The following KDM4C variants were observed in gnomAD, a reference collection of about 807,000 sequenced individuals.
KDM4C encodes the protein lysine demethylase 4C.
In KDM4C, 81 loss-of-function variants were observed where a neutral mutation model predicts 129.3. The ratio of observed to expected loss-of-function variants is 0.63; its 90% CI spans 0.52 to 0.75. The LOEUF is 0.75. KDM4C is among the 30% of genes least tolerant of loss of function. The pLI, the probability that KDM4C is intolerant of heterozygous loss-of-function variation, is 0.00. For synonymous variants in KDM4C, 573 were observed against 456.1 expected, an observed-to-expected ratio of 1.26 and a Z score of -3.26; for missense variants, 1,457 against 1,304.0, an observed-to-expected ratio of 1.12 and a Z score of -1.81.
rs139298028 is a variant in KDM4C at position 6,979,381 on chromosome 9, C to T, written c.922-1544C>T. On this transcript the variant is annotated intron_variant, in intron 8 of 21. Coordinates refer to ENST00000381309, the MANE Select transcript of KDM4C (RefSeq NM_015061.6). ...CGAGGATGAAGTTTTGCTGGATAGC[C>T]GGCTAGTATGCAGGAAGGTGGTGTG... Among the ~76,000 whole-genome samples the T allele has an allele frequency of 3.2e-3, 485 of 152,190 alleles. 4 individuals are homozygous for T. The highest frequency in any genetic ancestry group is 0.01 in the African/African-American group (424 of 41,532).
chr9:6,765,333 A>G (rs1820402663), intron 1 of KDM4C, among the ~76,000 whole-genome samples: 1 of 151,850 alleles, frequency 6.6e-6, no homozygotes, highest in Non-Finnish European at 1.5e-5. Flanking sequence ...CCCCCTTTTC[A>G]TACATCTTTC....
chr9:6,878,801 A>C (rs1843981044), intron 5 of KDM4C, among the ~76,000 whole-genome samples: 2 of 137,550 alleles, frequency 1.5e-5, no homozygotes, highest in South Asian at 4.2e-4. Context: ...ATACCCCCAC[A>C]CCCACACCCA....
At chr9:6,799,831 C>T (rs1455118054) in intron 2 of KDM4C, among the ~76,000 whole-genome samples, 1 of 151,846 alleles carries the variant, frequency 6.6e-6, no homozygotes, top group Non-Finnish European at 1.5e-5. Flanking sequence ...TGCCCCTCCC[C>T]TTTCAATATG....
rs560053289 is a variant in KDM4C at position 6,966,358 on chromosome 9, A to G, written c.922-14567A>G. 3.5e-4 allele frequency among the ~76,000 whole-genome samples: 53 copies of G among 152,028 alleles called. 1 individual carries two copies. The highest frequency in any genetic ancestry group is 2.7e-3 in the Admixed American group (41 of 15,276). On this transcript the variant is annotated intron_variant, in intron 8 of 21. Transcript: ENST00000381309. ...CCACTGCGCCCAGCTAATTTTTTGTATTTTTAGTAGAGACGGGGTTTCACT... is the reference window on the plus strand; with the variant it reads ...CCACTGCGCCCAGCTAATTTTTTGTGTTTTTAGTAGAGACGGGGTTTCACT...
chr9:7,085,696 T>C (rs138687999), intron 17 of KDM4C, among the ~76,000 whole-genome samples: 2 of 152,216 alleles, frequency 1.3e-5, no homozygotes, highest in Non-Finnish European at 2.9e-5. Flanking sequence ...TCTGTTGTTA[T>C]GTTTATCTTC....
At chr9:6,829,309 G>A (rs1169749291) in intron 4 of KDM4C, among the ~76,000 whole-genome samples, 1 of 152,212 alleles carries the variant, frequency 6.6e-6, no homozygotes, top group African/African-American at 2.4e-5. Context: ...GGATGAGGAA[G>A]CTGAGCCTGT....
At position 6,988,700 on chromosome 9, in the gene KDM4C, C is replaced by T. The variant is rs554785725; in HGVS notation, c.1678-1716C>T. Among the ~76,000 whole-genome samples the T allele has an allele frequency of 2.7e-4, 41 of 152,090 alleles. No individual in the cohort carries two copies. The South Asian group carries it at 6.6e-3, about 25-fold the overall frequency. On this transcript the variant is annotated intron_variant, in intron 11 of 21. Coordinates refer to ENST00000381309, the MANE Select transcript of KDM4C (RefSeq NM_015061.6). ...TCCATCCATCCATCCATCCATCCAT[C>T]CATCCATTCATCTTGGGCTCAAAGC...
intron 12 of KDM4C, among the ~76,000 whole-genome samples, chr9:7,004,161 G>C (rs1170197942): frequency 1.3e-5 from 2 of 152,190 alleles, no homozygotes; most frequent in South Asian, 4.1e-4. Flanking sequence ...CCATCCACAA[G>C]TCCTGGCAGC....
At position 7,128,188 on chromosome 9, in the gene KDM4C, G is replaced by A; in HGVS notation, c.2733G>A (p.Met911Ile). Residue 911 changes from methionine (M) to isoleucine (I), a missense_variant, in exon 19 of 22, where the codon ATG (methionine) becomes ATA (isoleucine). By Grantham distance (10) the Met-to-Ile change is conservative. Coordinates refer to ENST00000381309, the MANE Select transcript of KDM4C (RefSeq NM_015061.6). ...AVTSQTFYEV[M>I]FDDGSFSRDT... Reference sequence around the variant, plus strand: ...CATCGCAGACCTTCTATGAGGTCATGTTTGATGATGGCTCCTTTAGCAGAG... The same window carrying A: ...CATCGCAGACCTTCTATGAGGTCATATTTGATGATGGCTCCTTTAGCAGAG... The A allele has an allele frequency of 6.2e-7, 1 of 1,610,032 alleles. No individual in the cohort carries two copies. Among genetic ancestry groups the A allele is most frequent in the Non-Finnish European group, 8.5e-7 (1 of 1,178,366 alleles).
intron 1 of KDM4C, among the ~76,000 whole-genome samples, chr9:6,790,505 C>T (rs866884958): frequency 6.6e-5 from 10 of 151,214 alleles, no homozygotes; most frequent in African/African-American, 1.7e-4. Flanking sequence ...CCGCCCGCCT[C>T]GGCCTCCCAG....
intron 11 of KDM4C, among the ~76,000 whole-genome samples, chr9:6,989,334 T>G (rs150616090): frequency 6.6e-6 from 1 of 152,144 alleles, no homozygotes; most frequent in African/African-American, 2.4e-5. Flanking sequence ...TAGTCAACTC[T>G]TGATGTAAGC....
intron 15 of KDM4C, among the ~76,000 whole-genome samples, chr9:7,018,772 TAGCATGTTTCATAC>T (rs1017156945): frequency 6.6e-6 from 1 of 152,232 alleles, no homozygotes; most frequent in African/African-American, 2.4e-5. Flanking sequence ...TGTTTTCATG[TAGCATGTTTCATAC>T]AGAAAATGCT....
chr9:6,974,289 A>G lies in KDM4C; in HGVS notation c.922-6636A>G, dbSNP rs538072404. Among the ~76,000 whole-genome samples the G allele has an allele frequency of 2.6e-5, 4 of 152,344 alleles. No homozygotes were observed. The East Asian group carries it at 5.8e-4, about 22-fold the overall frequency. ...AATCAGTATACCTGAACATTTTAAT[A>G]AAAACATTTTAGGAGAAGGATTATA... On this transcript the variant is annotated intron_variant, in intron 8 of 21. Coordinates refer to ENST00000381309, the MANE Select transcript of KDM4C (RefSeq NM_015061.6).
Position 6,970,007 on chromosome 9 carries a change from T to C in KDM4C, c.922-10918T>C, listed in dbSNP as rs553846614. 3.3e-5 allele frequency among the ~76,000 whole-genome samples: 5 copies of C among 152,342 alleles called. No individual in the cohort carries two copies. In the East Asian group the frequency reaches 7.7e-4, roughly 23 times the overall value. Reference sequence around the variant, plus strand: ...TACCTCATTGGTGTTGCTTGGGCCATGTGCCCATCTCTGAACCAATCACTG... The same window carrying C: ...TACCTCATTGGTGTTGCTTGGGCCACGTGCCCATCTCTGAACCAATCACTG... On this transcript the variant is annotated intron_variant, in intron 8 of 21. Transcript: ENST00000381309.
chr9:7,100,989 T>C (rs548765054), intron 17 of KDM4C, among the ~76,000 whole-genome samples: 1 of 152,322 alleles, frequency 6.6e-6, no homozygotes, highest in East Asian at 1.9e-4. Context: ...TCTGGTCCTC[T>C]GATGGCACTG....
In KDM4C at chr9:7,128,089, C is replaced by A; in HGVS notation, c.2634C>A (p.Val878=). ...PNVKSKACEK[V]ISVGQTVITK... ...AGAAGTCCAAGGCTTGCGAGAAGGT[C>A]ATTTCCGTGGGTCAAACGGTCATCA... The change falls in exon 19 of 22, where the codon GTC becomes GTA. Residue 878 remains valine, a synonymous_variant. Coordinates refer to ENST00000381309, the MANE Select transcript of KDM4C (RefSeq NM_015061.6). 3.1e-6 allele frequency: 5 copies of A among 1,593,930 alleles called. No homozygotes were observed. In the South Asian group the frequency reaches 5.8e-5, roughly 18 times the overall value.
At chr9:6,755,188 G>A (rs933538404), upstream of KDM4C, among the ~76,000 whole-genome samples, 3 of 152,238 alleles carry the variant, frequency 2.0e-5, no homozygotes, top group South Asian at 2.1e-4. Context: ...TGGCTAACAC[G>A]GTGAAACCCC....
chr9:7,130,033 ATG>A (rs1190550789), intron 19 of KDM4C, among the ~76,000 whole-genome samples: 2 of 152,230 alleles, frequency 1.3e-5, no homozygotes, highest in Admixed American at 1.3e-4. Context: ...GAGAAGGGAT[ATG>A]CAGGAGCAAG....
intron 10 of KDM4C, among the ~76,000 whole-genome samples, chr9:6,985,563 C>A (rs1586711807): frequency 6.6e-6 from 1 of 152,192 alleles, no homozygotes; most frequent in Non-Finnish European, 1.5e-5. Context: ...AAGGTGATAT[C>A]TGAATTGAGT....
Sources: allele counts gnomAD v4.1 joint callset (sites outside exome capture counted in the v4.1 genomes callset), GRCh38; gene constraint gnomAD v4.1.1; transcripts MANE v1.5; gene names NCBI Gene and HGNC (gene_info 2026-07-23, HGNC 2026-07-21).